The following NIPSNAP3B variants were observed in gnomAD, a reference collection of about 807,000 sequenced individuals.
NIPSNAP3B encodes the protein protein NipSnap homolog 3B.
A neutral mutation model predicts 31.5 loss-of-function variants in NIPSNAP3B; 30 were observed. The ratio of observed to expected loss-of-function variants is 0.95; its 90% CI spans 0.71 to 1.29. NIPSNAP3B has a LOEUF of 1.29. Among genes scored for constraint, NIPSNAP3B ranks in the 50% most tolerant of loss-of-function variants. NIPSNAP3B has a pLI of 0.00. For synonymous variants in NIPSNAP3B, 106 were observed against 107.9 expected (o/e 0.98, Z 0.11); for missense variants, 269 against 300.7 (o/e 0.89, Z 0.78).
the NIPSNAP3B span, among the ~76,000 whole-genome samples, chr9:104,787,611 T>C: frequency 1.3e-5 from 2 of 152,190 alleles, no homozygotes; most frequent in Non-Finnish European, 2.9e-5. Flanking sequence ...CACTCTTCAT[T>C]TTCAGGGAAT....
chr9:104,788,640 T>C, the NIPSNAP3B span: 5 of 1,556,054 alleles, frequency 3.2e-6, no homozygotes, highest in African/African-American at 5.4e-5. Context: ...TGGCCTAATG[T>C]TCCTGTAAAG....
chr9:104,784,187 A>G, the NIPSNAP3B span: 4 of 1,197,412 alleles, frequency 3.3e-6, no homozygotes, highest in South Asian at 5.2e-5. Flanking sequence ...ATTGAATAGT[A>G]TCAGTACAGT....
intron 4 of NIPSNAP3B, 56 bp downstream of exon 4, chr9:104,771,054 C>G: frequency 6.8e-7 from 1 of 1,469,008 alleles, no homozygotes; most frequent in Non-Finnish European, 9.2e-7. Flanking sequence ...CAGTTCGTCT[C>G]TCTTTTTCAT....
chr9:104,788,545 C>T, the NIPSNAP3B span: 8 of 1,614,166 alleles, frequency 5.0e-6, no homozygotes, highest in Middle Eastern at 6.6e-4. Context: ...TTCTGATGTA[C>T]TTCATGGATG....
chr9:104,779,611 A>C (rs943505339), downstream of NIPSNAP3B, among the ~76,000 whole-genome samples: 6 of 122,242 alleles, frequency 4.9e-5, no homozygotes, highest in East Asian at 2.3e-4. Flanking sequence ...TGAAAACTGA[A>C]GCTAAGTGGG....
At chr9:104,782,995 A>G in the NIPSNAP3B span, 1 of 152,640 alleles carries the variant, frequency 6.6e-6, no homozygotes, top group African/African-American at 2.4e-5. Context: ...ATACGTACGT[A>G]CATACTCTTT....
Position 104,773,505 on chromosome 9 carries a change from T to C in NIPSNAP3B, c.*432T>C, listed in dbSNP as rs930826897. The C allele has an allele frequency of 2.0e-5, 3 of 153,520 alleles. No homozygotes were observed. Among genetic ancestry groups the C allele is most frequent in the Non-Finnish European group, 4.3e-5 (3 of 69,038 alleles). 9.5% of individuals were successfully genotyped at this position (153,520 alleles called of 1,614,324 possible). ...TTCCTGAGATTTTAAAAAAATTTGCTTAGTAAAGGTTATTTTGTGATATAA... is the reference window on the plus strand; with the variant it reads ...TTCCTGAGATTTTAAAAAAATTTGCCTAGTAAAGGTTATTTTGTGATATAA... On this transcript the variant is annotated 3_prime_UTR_variant, in exon 6 of 6. Transcript: ENST00000374762.
At chr9:104,790,536 G>A in the NIPSNAP3B span, among the ~76,000 whole-genome samples, 2 of 152,164 alleles carry the variant, frequency 1.3e-5, no homozygotes, top group East Asian at 3.8e-4. Context: ...GATCTCAATT[G>A]TATGGCACAT....
chr9:104,779,621 GTTT>G (rs11432680), downstream of NIPSNAP3B, among the ~76,000 whole-genome samples: 23 of 147,180 alleles, frequency 1.6e-4, no homozygotes, highest in African/African-American at 4.0e-4. Flanking sequence ...AGCTAAGTGG[GTTT>G]TTTTTTTTTT....
At chr9:104,788,128 T>G in the NIPSNAP3B span, 1 of 1,481,712 alleles carries the variant, frequency 6.7e-7, no homozygotes, top group East Asian at 2.3e-5. Context: ...CATACATGTA[T>G]GAAAGTTCTT....
intron 3 of NIPSNAP3B, among the ~76,000 whole-genome samples, chr9:104,769,453 CAAAAAA>C (rs34083177): frequency 9.1e-6 from 1 of 109,466 alleles, no homozygotes; most frequent in African/African-American, 3.7e-5. Flanking sequence ...GACTCCGTCT[CAAAAAA>C]AAAAAAAAAA....
downstream of NIPSNAP3B, among the ~76,000 whole-genome samples, chr9:104,779,083 G>A (rs943027090): frequency 3.3e-5 from 5 of 151,948 alleles, no homozygotes; most frequent in Admixed American, 6.6e-5. Context: ...TCTTTCTTCC[G>A]GGAATATCCT....
the NIPSNAP3B span, among the ~76,000 whole-genome samples, chr9:104,789,300 T>G: frequency 2.6e-5 from 4 of 152,192 alleles, no homozygotes. Flanking sequence ...AACCTTACTA[T>G]GGGCTGGTTA....
the NIPSNAP3B span, chr9:104,788,591 T>TA: frequency 1.2e-6 from 2 of 1,613,844 alleles, no homozygotes; most frequent in South Asian, 1.1e-5. Flanking sequence ...GAAAACTACT[T>TA]AGATTTTAAG....
At chr9:104,786,896 T>G in the NIPSNAP3B span, 2 of 1,613,828 alleles carry the variant, frequency 1.2e-6, no homozygotes, top group African/African-American at 2.7e-5. Context: ...GCACTACTGA[T>G]CTCCCCTCCT....
At chr9:104,782,129 G>A (rs902811820), downstream of NIPSNAP3B, 5 of 152,048 alleles carry the variant, frequency 3.3e-5, no homozygotes, top group African/African-American at 1.2e-4. Flanking sequence ...TACGATTTTA[G>A]TAAAATGAGG....
intron 1 of NIPSNAP3B, among the ~76,000 whole-genome samples, chr9:104,766,078 A>G (rs1218786501): frequency 6.6e-6 from 1 of 152,212 alleles, no homozygotes; most frequent in Non-Finnish European, 1.5e-5. Flanking sequence ...TTGTGAGCAA[A>G]TTCTCGTGAA....
In NIPSNAP3B at chr9:104,773,697, T is replaced by C. The variant is rs1474255707; in HGVS notation, c.*624T>C. ...AAAATCTAGAAAAGACTTGTTGGTTTATATGCTGAAATTGTTCATTTATAA... is the reference window on the plus strand; with the variant it reads ...AAAATCTAGAAAAGACTTGTTGGTTCATATGCTGAAATTGTTCATTTATAA... On this transcript the variant is annotated 3_prime_UTR_variant, in exon 6 of 6. Transcript: ENST00000374762. 2 of 152,218 alleles carry C rather than the reference T, an allele frequency of 1.3e-5. No individual in the cohort carries two copies. The highest frequency in any genetic ancestry group is 1.9e-4 in the East Asian group (1 of 5,206). The allele number at this position is 152,218 out of a possible 1,614,324, so 9.4% of individuals were successfully genotyped here.
At chr9:104,781,677 G>A (rs191288166), downstream of NIPSNAP3B, 10 of 152,718 alleles carry the variant, frequency 6.5e-5, no homozygotes, top group East Asian at 1.4e-3. Flanking sequence ...GGGCATTTAT[G>A]TATAGAGGGC....
Sources: gnomAD v4.1 joint callset for allele counts (sites outside exome capture counted in the v4.1 genomes callset) on GRCh38, gnomAD v4.1.1 for gene constraint, MANE v1.5 for transcripts, NCBI Gene and HGNC (gene_info 2026-07-23, HGNC 2026-07-21) for gene names.